KDM7A: variants seen among roughly 807,000 people sequenced by gnomAD.
KDM7A encodes the protein lysine-specific demethylase 7A.
In KDM7A, 28 loss-of-function variants were observed where a neutral mutation model predicts 114.8. The ratio of observed to expected loss-of-function variants is 0.24; its 90% CI spans 0.18 to 0.33. KDM7A has a LOEUF of 0.33. Among genes scored for constraint, KDM7A ranks in the 10% least tolerant of loss-of-function variants. The probability of loss-of-function intolerance (pLI) is 1.00; values close to 1 mark genes in which losing one functional copy is unlikely to be tolerated. For missense variants in KDM7A, 942 were observed against 1,142.5 expected (o/e 0.82, Z 2.53); for synonymous variants, 423 against 397.8 (o/e 1.06, Z -0.75).
chr7:140,122,407 A>G (rs987586194), intron 7 of KDM7A, among the ~76,000 whole-genome samples: 1 of 151,198 alleles, frequency 6.6e-6, no homozygotes, highest in Non-Finnish European at 1.5e-5. Flanking sequence ...ACCTAACATA[A>G]AAGCAAGAAG....
chr7:140,140,739 T>C (rs1463542688), intron 1 of KDM7A, among the ~76,000 whole-genome samples: 14 of 108,840 alleles, frequency 1.3e-4, no homozygotes, highest in African/African-American at 5.0e-4. Context: ...TGAGACTTCA[T>C]CTCAAAAAAA....
chr7:140,149,979 T>C (rs749846551), intron 1 of KDM7A, among the ~76,000 whole-genome samples: 4 of 152,122 alleles, frequency 2.6e-5, no homozygotes, highest in Non-Finnish European at 4.4e-5. Context: ...TAAATATAGG[T>C]ATTAGAGTGA....
At chr7:140,169,042 CTG>C (rs1294422465) in intron 1 of KDM7A, among the ~76,000 whole-genome samples, 1 of 152,162 alleles carries the variant, frequency 6.6e-6, no homozygotes, top group Non-Finnish European at 1.5e-5. Flanking sequence ...GCTCTGTCCT[CTG>C]AGAAGGCCTA....
chr7:140,127,623 G>C, intron 4 of KDM7A, 40 bp from the exon 5 acceptor site: 2 of 1,552,646 alleles, frequency 1.3e-6, no homozygotes, highest in Non-Finnish European at 1.8e-6. Context: ...GGACTTAAGA[G>C]TTACATCAGC....
chr7:140,175,674 A>T (rs867942221), intron 1 of KDM7A, among the ~76,000 whole-genome samples: 1 of 152,156 alleles, frequency 6.6e-6, no homozygotes, highest in Non-Finnish European at 1.5e-5. Flanking sequence ...TACAAAACAC[A>T]CGAGTCGGCG....
chr7:140,127,298 G>A (rs1818721283), intron 5 of KDM7A, 144 bp downstream of exon 5: 1 of 693,468 alleles, frequency 1.4e-6, no homozygotes, highest in African/African-American at 1.8e-5. Flanking sequence ...GTATCTCTGA[G>A]TGTCCCAATG....
At chr7:140,159,548 C>T (rs919680390) in intron 1 of KDM7A, among the ~76,000 whole-genome samples, 1 of 152,084 alleles carries the variant, frequency 6.6e-6, no homozygotes, top group Non-Finnish European at 1.5e-5. Flanking sequence ...GTTGCCTTTT[C>T]GCGTTATGCA....
At position 140,127,432 on chromosome 7, in the gene KDM7A, A is replaced by T; in HGVS notation, c.701+10T>A. On this transcript the variant is annotated intron_variant, in intron 5 of 19. Transcript: ENST00000397560. ...CAGAATGCTAAACCAAAATACCCAG[A>T]ACTACTCACTTTGTATCTGAAAATT... is the stretch of plus-strand genomic sequence containing the variant. 6.2e-7 allele frequency: 1 copy of T among 1,610,724 alleles called. No individual in the cohort carries two copies. The highest frequency in any genetic ancestry group is 8.5e-7 in the Non-Finnish European group (1 of 1,178,274).
intron 17 of KDM7A, 60 bp from the exon 18 acceptor site, chr7:140,094,198 A>T: frequency 1.9e-6 from 2 of 1,030,928 alleles, no homozygotes; most frequent in Non-Finnish European, 3.1e-6. Context: ...TGACAAAATT[A>T]GCCTAATGCT....
At chr7:140,129,985 C>T (rs1378085962) in intron 3 of KDM7A, among the ~76,000 whole-genome samples, 2 of 152,082 alleles carry the variant, frequency 1.3e-5, no homozygotes, top group East Asian at 3.9e-4. Flanking sequence ...CTCTAAAATG[C>T]TCCAAAATCC....
At chr7:140,103,548 G>A (rs966583210) in intron 11 of KDM7A, among the ~76,000 whole-genome samples, 12 of 151,624 alleles carry the variant, frequency 7.9e-5, no homozygotes, top group Admixed American at 3.3e-4. Context: ...ATCTATGAGT[G>A]AGAACATGCG....
chr7:140,119,753 G>T (rs1818589163), intron 8 of KDM7A, among the ~76,000 whole-genome samples: 1 of 152,162 alleles, frequency 6.6e-6, no homozygotes, highest in South Asian at 2.1e-4. Flanking sequence ...CCCTGTAAAA[G>T]CCACTATCTC....
Position 140,091,897 on chromosome 7 carries a change from T to C in KDM7A, c.2638A>G (p.Arg880Gly), listed in dbSNP as rs373940936. 6.2e-7 allele frequency: 1 copy of C among 1,614,070 alleles called. No individual in the cohort carries two copies. The highest frequency in any genetic ancestry group is 8.5e-7 in the Non-Finnish European group (1 of 1,180,010). Residue 880 changes from arginine (R) to glycine (G), a missense_variant, in exon 19 of 20, where the codon AGG becomes GGG. By Grantham distance (125) the Arg-to-Gly change is moderately radical (BLOSUM62 -2). Coordinates refer to ENST00000397560, the MANE Select transcript of KDM7A (RefSeq NM_030647.2). ...QISNGSLSPE[R>G]PVGETSFSVP... ...GAGAAGGAAGTTTCACCAACTGGCCTTTCTGGGCTTAGACTGCCATTACTT... is the reference window on the plus strand; with the variant it reads ...GAGAAGGAAGTTTCACCAACTGGCCCTTCTGGGCTTAGACTGCCATTACTT...
At chr7:140,126,048 G>C (rs1020045034) in intron 6 of KDM7A, among the ~76,000 whole-genome samples, 7 of 152,192 alleles carry the variant, frequency 4.6e-5, no homozygotes, top group African/African-American at 1.7e-4. Context: ...GTGACTACAG[G>C]AATGAGCCAC....
At chr7:140,120,672 T>G in intron 7 of KDM7A, 143 bp from the exon 8 acceptor site, 1 of 552,796 alleles carries the variant, frequency 1.8e-6, no homozygotes, top group Non-Finnish European at 3.2e-6. Flanking sequence ...TTTATTACAA[T>G]CTATAGATTT....
intron 4 of KDM7A, among the ~76,000 whole-genome samples, chr7:140,128,983 C>T (rs1185839203): frequency 1.3e-5 from 2 of 152,180 alleles, no homozygotes; most frequent in Non-Finnish European, 2.9e-5. Context: ...GTCCAGACAT[C>T]ATTAAATGGC....
intron 9 of KDM7A, among the ~76,000 whole-genome samples, chr7:140,115,406 T>C (rs1013388717): frequency 6.6e-6 from 1 of 152,228 alleles, no homozygotes; most frequent in South Asian, 2.1e-4. Flanking sequence ...TGTGTCTGTG[T>C]AGAAAGAAGT....
chr7:140,129,948 T>C (rs904805220), intron 3 of KDM7A, among the ~76,000 whole-genome samples: 2 of 152,208 alleles, frequency 1.3e-5, no homozygotes, highest in African/African-American at 4.8e-5. Flanking sequence ...ATGTACAAGT[T>C]GAGTATCCCT....
chr7:140,111,592 T>C (rs1818432594), intron 10 of KDM7A, among the ~76,000 whole-genome samples: 1 of 152,258 alleles, frequency 6.6e-6, no homozygotes, highest in African/African-American at 2.4e-5. Flanking sequence ...TTGGGAAATC[T>C]AATTTGAATA....
Sources: gnomAD v4.1 joint callset for allele counts (sites outside exome capture counted in the v4.1 genomes callset) on GRCh38, gnomAD v4.1.1 for gene constraint, MANE v1.5 for transcripts, NCBI Gene and HGNC (gene_info 2026-07-23, HGNC 2026-07-21) for gene names.